The following PXK variants were observed in gnomAD, a reference collection of about 807,000 sequenced individuals.
PXK encodes PX domain containing serine/threonine kinase like.
A neutral mutation model predicts 84.7 loss-of-function variants in PXK; 35 were observed. The observed-to-expected ratio is 0.41, with a 90% confidence interval of 0.32 to 0.55. The LOEUF (loss-of-function observed/expected upper bound fraction) is 0.55. Among genes scored for constraint, PXK ranks in the 20% least tolerant of loss-of-function variants. PXK has a pLI of 0.21. For synonymous variants in PXK, 253 were observed against 260.8 expected, an observed-to-expected ratio of 0.97 and a Z score of 0.29; for missense variants, 634 against 699.7, an observed-to-expected ratio of 0.91 and a Z score of 1.06.
chr3:58,378,505 TTTTTTTTTGTGTGTGTG>T (rs2098464168), intron 3 of PXK, among the ~76,000 whole-genome samples: 1 of 81,692 alleles, frequency 1.2e-5, no homozygotes, highest in African/African-American at 4.5e-5. Flanking sequence ...TTTTTTTTTT[TTTTTTTTTGTGTGTGTG>T]TGTGTGTGTG....
intron 4 of PXK, among the ~76,000 whole-genome samples, chr3:58,389,666 A>C (rs568906291): frequency 1.0e-5 from 1 of 100,466 alleles, no homozygotes; most frequent in East Asian, 5.8e-4. Flanking sequence ...ACTAAAAAAA[A>C]CAAAAACAAA....
intron 1 of PXK, among the ~76,000 whole-genome samples, chr3:58,345,906 A>C (rs2097806348): frequency 6.6e-6 from 1 of 152,230 alleles, no homozygotes. Context: ...CCAGACTCTT[A>C]GTAACCCACC....
intron 1 of PXK, among the ~76,000 whole-genome samples, chr3:58,353,244 G>A (rs1247873893): frequency 1.3e-5 from 2 of 152,064 alleles, no homozygotes; most frequent in Non-Finnish European, 2.9e-5. Context: ...TGATCCGCCC[G>A]CCTCGGCCTC....
chr3:58,410,410 A>G (rs1248025450), intron 16 of PXK, among the ~76,000 whole-genome samples: 1 of 152,236 alleles, frequency 6.6e-6, no homozygotes, highest in Non-Finnish European at 1.5e-5. Context: ...GCACTTGATC[A>G]TCTAAAGACA....
chr3:58,399,185 A>T lies in PXK; in HGVS notation c.1103-114A>T. 1.1e-6 allele frequency: 1 copy of T among 880,914 alleles called. No homozygotes were observed. Among genetic ancestry groups the T allele is most frequent in the Non-Finnish European group, 1.9e-6 (1 of 535,064 alleles). The allele number at this position is 880,914 out of a possible 1,614,324, so 54.6% of individuals were successfully genotyped here. A position where few individuals can be genotyped will look rare whatever the true frequency, so the allele number is the denominator to read the frequency against. ...CTGTCTGTGTGTGAAGATTTTTGAC[A>T]CTGTCCTGATCAGCCCGCAGACAGT... On this transcript the variant is annotated intron_variant, in intron 11 of 17. Coordinates refer to ENST00000356151, the MANE Select transcript of PXK (RefSeq NM_017771.5). This position sits in a 1 kb window ranked among gnomAD's most constrained non-coding sequence, Gnocchi z 4.3.
rs1363866800 is a variant in PXK, at chr3:58,332,969, C to T, written c.-20C>T. ...GTTCCTACCTCGCGTCCCTAGGCGG[C>T]GGCGGCCGGGCGTCCCGGGATGGCC... On this transcript the variant is annotated 5_prime_UTR_variant, in exon 1 of 18. Coordinates refer to ENST00000356151, the MANE Select transcript of PXK (RefSeq NM_017771.5). This position sits in a 1 kb window ranked among gnomAD's most constrained non-coding sequence, Gnocchi z 5.6. The T allele has an allele frequency of 1.5e-6, 2 of 1,344,386 alleles. No individual in the cohort carries two copies. The highest frequency in any genetic ancestry group is 1.5e-5 in the South Asian group (1 of 68,078). 83.3% of individuals were successfully genotyped at this position (1,344,386 alleles called of 1,614,324 possible).
In PXK at chr3:58,424,937, C is replaced by G. The variant is rs143728827; in HGVS notation, c.1714C>G (p.His572Asp). ...GTLRKAKTCD[H>D]SAPKIG ...TTTGAGGAAAGCCAAAACCTGTGAT[C>G]ACAGTGCTCCGAAGATCGGCTGAAG... The change falls in exon 18 of 18, where the codon CAC becomes GAC. Residue 572 changes from histidine (H) to aspartate (D), a missense_variant. Coordinates refer to ENST00000356151, the MANE Select transcript of PXK (RefSeq NM_017771.5). 62 of 1,614,022 alleles carry G rather than the reference C, an allele frequency of 3.8e-5. No individual in the cohort carries two copies. The highest frequency in any genetic ancestry group is 5.1e-5 in the Non-Finnish European group (60 of 1,180,044).
chr3:58,363,747 C>T (rs968928217), intron 1 of PXK, among the ~76,000 whole-genome samples: 2 of 152,034 alleles, frequency 1.3e-5, no homozygotes, highest in Non-Finnish European at 2.9e-5. Context: ...TATTTCTTTT[C>T]CTATTTTTAT....
rs1051667593 is a variant in PXK, at chr3:58,391,207, T to C, written c.527T>C (p.Leu176Pro). ...MKIKNQPKER[L>P]VLSWADLGPD... is the part of the protein sequence containing the mutation. ...ATTAAAAATCAGCCAAAGGAACGGCTAGTGTTAAGCTGGGTAAGCTAGCTT... is the reference window on the plus strand; with the variant it reads ...ATTAAAAATCAGCCAAAGGAACGGCCAGTGTTAAGCTGGGTAAGCTAGCTT... The change falls in exon 6 of 18, where the codon CTA becomes CCA. Residue 176 changes from leucine (L) to proline (P), a missense_variant. By Grantham distance (98) the Leu-to-Pro change is moderately conservative (BLOSUM62 -3). Around this residue, in one of 3 missense-constraint regions of PXK, gnomAD observed 353 missense variants for 385.2 expected, o/e 0.92. Transcript: ENST00000356151. The C allele has an allele frequency of 9.9e-6, 16 of 1,613,392 alleles. No individual in the cohort carries two copies. Among genetic ancestry groups the C allele is most frequent in the African/African-American group, 1.3e-5 (1 of 75,018 alleles).
chr3:58,355,285 G>T (rs1292092570), intron 1 of PXK, among the ~76,000 whole-genome samples: 1 of 152,154 alleles, frequency 6.6e-6, no homozygotes, highest in Non-Finnish European at 1.5e-5. Context: ...CTCTGCCTTA[G>T]GGGTAGAGAG....
At position 58,340,027 on chromosome 3, in the gene PXK, C is replaced by T. The variant is rs192994808; in HGVS notation, c.102+6937C>T. On this transcript the variant is annotated intron_variant, in intron 1 of 17. Coordinates refer to ENST00000356151, the MANE Select transcript of PXK (RefSeq NM_017771.5). Reference sequence around the variant, plus strand: ...GAGACGGGGTTTCACCATGTTGGCCCGGCTGGTCTTGAACTCCTGACCTCA... The same window carrying T: ...GAGACGGGGTTTCACCATGTTGGCCTGGCTGGTCTTGAACTCCTGACCTCA... Among the ~76,000 whole-genome samples, 428 of 151,246 alleles carry T rather than the reference C, an allele frequency of 2.8e-3. 1 individual carries two copies. Among genetic ancestry groups the T allele is most frequent in the African/African-American group, 9.6e-3 (396 of 41,232 alleles).
rs1158758236 is a variant in PXK, at chr3:58,411,486, A to G, written c.1465+1327A>G. 1.3e-5 allele frequency among the ~76,000 whole-genome samples: 2 copies of G among 152,102 alleles called. No individual in the cohort carries two copies. Among genetic ancestry groups the G allele is most frequent in the African/African-American group, 4.8e-5 (2 of 41,400 alleles). On this transcript the variant is annotated intron_variant, in intron 16 of 17. Transcript: ENST00000356151. This position sits in a 1 kb window ranked among gnomAD's most constrained non-coding sequence, Gnocchi z 4.2. Reference sequence around the variant, plus strand: ...TTTCAGTTGGAAGCCTATCTTCGCCATGGTTGATGGGAGGGACATGGACCG... The same window carrying G: ...TTTCAGTTGGAAGCCTATCTTCGCCGTGGTTGATGGGAGGGACATGGACCG...
intron 4 of PXK, among the ~76,000 whole-genome samples, chr3:58,384,494 T>G (rs1204556064): frequency 6.6e-6 from 1 of 152,244 alleles, no homozygotes; most frequent in Admixed American, 6.5e-5. Flanking sequence ...CTTGTTTTTT[T>G]TGTTCACGGA....
In PXK at chr3:58,390,694, C is replaced by G; in HGVS notation, c.466+35C>G. On this transcript the variant is annotated intron_variant, in intron 5 of 17. Transcript: ENST00000356151. This position sits in a 1 kb window ranked among gnomAD's most constrained non-coding sequence, Gnocchi z 4.2. ...TGGCACGCTCATTCTGTTAAAAAGACAGATCACAGAACTGGATCCTTAGTC... is the reference window on the plus strand; with the variant it reads ...TGGCACGCTCATTCTGTTAAAAAGAGAGATCACAGAACTGGATCCTTAGTC... The G allele has an allele frequency of 6.3e-7, 1 of 1,575,648 alleles. No individual in the cohort carries two copies. The highest frequency in any genetic ancestry group is 8.7e-7 in the Non-Finnish European group (1 of 1,149,808).
intron 17 of PXK, among the ~76,000 whole-genome samples, chr3:58,424,424 C>G (rs144879584): frequency 9.5e-4 from 144 of 152,306 alleles, no homozygotes; most frequent in African/African-American, 3.4e-3. Flanking sequence ...AGATGGAACT[C>G]TTCTTTGGGG....
intron 1 of PXK, among the ~76,000 whole-genome samples, chr3:58,342,647 A>AAAG (rs59808874): frequency 0.26 from 34,797 of 135,704 alleles, 4,565 homozygotes; most frequent in African/African-American, 0.31. Context: ...AAAAAAAAAA[A>AAAG]AAAAGAAAAG....
At chr3:58,394,558 T>G (rs183594034) in intron 7 of PXK, among the ~76,000 whole-genome samples, 213 of 152,326 alleles carry the variant, frequency 1.4e-3, no homozygotes, top group African/African-American at 4.5e-3. Flanking sequence ...TAGGCAAAGC[T>G]GTGAGCAAAG....
intron 4 of PXK, among the ~76,000 whole-genome samples, chr3:58,389,999 C>CAAAAAAA (rs61380830): frequency 4.8e-4 from 25 of 51,630 alleles, no homozygotes; most frequent in Non-Finnish European, 6.1e-4. Context: ...AACTCCGTCT[C>CAAAAAAA]AAAAAAAAAA....
intron 17 of PXK, chr3:58,422,641 C>T (rs1394624333): frequency 1.0e-6 from 1 of 985,290 alleles, no homozygotes; most frequent in Non-Finnish European, 1.2e-6. Flanking sequence ...TGCATTTGCA[C>T]TTCTAATTTT....
Sources: gnomAD v4.1 joint callset for allele counts (sites outside exome capture counted in the v4.1 genomes callset) on GRCh38, gnomAD v4.1.1 for gene constraint, gnomAD v4.1.1 regional missense constraint, Gnocchi (gnomAD v3.1) non-coding constraint, MANE v1.5 for transcripts, NCBI Gene and HGNC (gene_info 2026-07-23, HGNC 2026-07-21) for gene names.